The following CCDC102B variants were observed in gnomAD, a reference collection of about 807,000 sequenced individuals.
The protein encoded by CCDC102B is coiled-coil domain containing 102B.
A neutral mutation model predicts 57.4 loss-of-function variants in CCDC102B; 75 were observed. The observed-to-expected ratio is 1.31, with a 90% CI of 1.08 to 1.58. The LOEUF is 1.58. CCDC102B is among the 40% of genes most tolerant of loss of function. The probability of loss-of-function intolerance (pLI) is 0.00; values close to 1 mark genes in which losing one functional copy is unlikely to be tolerated. For synonymous variants in CCDC102B, 206 were observed against 201.9 expected (o/e 1.02, Z -0.17); for missense variants, 636 against 582.6 (o/e 1.09, Z -0.94).
intron 6 of CCDC102B, among the ~76,000 whole-genome samples, chr18:68,930,596 C>A (rs940103216): frequency 3.3e-5 from 5 of 151,800 alleles, no homozygotes; most frequent in African/African-American, 4.8e-5. Context: ...TGGGCTCTGG[C>A]CTTCTGCTCT....
At chr18:69,001,905 T>A (rs1416500860) in intron 6 of CCDC102B, among the ~76,000 whole-genome samples, 1 of 152,222 alleles carries the variant, frequency 6.6e-6, no homozygotes, top group Non-Finnish European at 1.5e-5. Context: ...AGTCTAATTT[T>A]ACATATATTT....
At chr18:68,778,700 T>C (rs1281098820) in intron 2 of CCDC102B, among the ~76,000 whole-genome samples, 1 of 152,072 alleles carries the variant, frequency 6.6e-6, no homozygotes, top group East Asian at 1.9e-4. Context: ...GAGCATTTAT[T>C]GAAAACCAAA....
At chr18:68,988,560 AAAAAAC>A (rs1457497091) in intron 6 of CCDC102B, among the ~76,000 whole-genome samples, 94 of 150,966 alleles carry the variant, frequency 6.2e-4, no homozygotes, top group African/African-American at 2.2e-3. Context: ...AAATTACAAA[AAAAAAC>A]AAAAAAAAAG....
chr18:68,992,344 G>A (rs1169987785), intron 6 of CCDC102B, among the ~76,000 whole-genome samples: 2 of 152,128 alleles, frequency 1.3e-5, no homozygotes, highest in Admixed American at 6.5e-5. Context: ...TGAGCTCAGG[G>A]TGGGTAAGGT....
At chr18:69,019,973 T>C (rs2051782858) in intron 7 of CCDC102B, among the ~76,000 whole-genome samples, 1 of 152,156 alleles carries the variant, frequency 6.6e-6, no homozygotes, top group Admixed American at 6.5e-5. Flanking sequence ...AATTGTGTAT[T>C]TTTTCCCTTT....
chr18:68,783,604 A>G (rs2035079185), intron 2 of CCDC102B, among the ~76,000 whole-genome samples: 1 of 152,114 alleles, frequency 6.6e-6, no homozygotes, highest in South Asian at 2.1e-4. Context: ...ACTGACTTTT[A>G]CCTTGTTGAC....
intron 2 of CCDC102B, among the ~76,000 whole-genome samples, chr18:68,732,148 G>T (rs188510722): frequency 1.3e-5 from 2 of 151,214 alleles, no homozygotes; most frequent in South Asian, 2.1e-4. Flanking sequence ...CACTGCTTCA[G>T]GGGGGAATCT....
At chr18:68,731,201 G>C (rs1438645916) in intron 2 of CCDC102B, among the ~76,000 whole-genome samples, 1 of 152,110 alleles carries the variant, frequency 6.6e-6, no homozygotes, top group East Asian at 1.9e-4. Context: ...GGCCAGGCTG[G>C]TCTTGAACTC....
chr18:69,057,843 T>G (rs560421504), downstream of CCDC102B, among the ~76,000 whole-genome samples: 4 of 152,120 alleles, frequency 2.6e-5, no homozygotes, highest in South Asian at 6.2e-4. Context: ...AAGTTATTTT[T>G]CCCCAGCTTT....
chr18:68,767,718 A>G (rs192060812), intron 2 of CCDC102B, among the ~76,000 whole-genome samples: 2 of 152,352 alleles, frequency 1.3e-5, no homozygotes, highest in African/African-American at 2.4e-5. Flanking sequence ...TAGTGTAATA[A>G]TAGTTGCTTA....
At position 69,054,370 on chromosome 18, in the gene CCDC102B, G is replaced by A; in HGVS notation, c.*233G>A. 1 of 1,151,254 alleles carries A rather than the reference G, an allele frequency of 8.7e-7. No homozygotes were observed. Among genetic ancestry groups the A allele is most frequent in the Middle Eastern group, 3.6e-4 (1 of 2,744 alleles). 71.3% of individuals were successfully genotyped at this position (1,151,254 alleles called of 1,614,324 possible). ...TTAAAAACAACTTTAATTCTAAGATGTGTAAATATTTTGAAAGTCAAAAAG... is the reference window on the plus strand; with the variant it reads ...TTAAAAACAACTTTAATTCTAAGATATGTAAATATTTTGAAAGTCAAAAAG... On this transcript the variant is annotated 3_prime_UTR_variant, in exon 8 of 8. Coordinates refer to ENST00000360242, the MANE Select transcript of CCDC102B (RefSeq NM_024781.3).
intron 1 of CCDC102B, among the ~76,000 whole-genome samples, chr18:68,819,259 A>G (rs758607830): frequency 3.9e-5 from 6 of 152,076 alleles, no homozygotes; most frequent in Non-Finnish European, 8.8e-5. Context: ...TGAGCATTCT[A>G]TTGGGAACTG....
chr18:69,038,077 G>T (rs1281202972), intron 7 of CCDC102B, among the ~76,000 whole-genome samples: 1 of 151,794 alleles, frequency 6.6e-6, no homozygotes, highest in Non-Finnish European at 1.5e-5. Flanking sequence ...TAATATCACA[G>T]CCACCTCTAT....
At chr18:69,016,132 G>A (rs972163850) in intron 7 of CCDC102B, among the ~76,000 whole-genome samples, 4 of 151,634 alleles carry the variant, frequency 2.6e-5, no homozygotes, top group Admixed American at 2.0e-4. Context: ...CAAAGTGCTG[G>A]GATTACAGGC....
intron 2 of CCDC102B, among the ~76,000 whole-genome samples, chr18:68,777,770 A>C (rs2034874528): frequency 6.6e-6 from 1 of 152,178 alleles, no homozygotes; most frequent in Non-Finnish European, 1.5e-5. Flanking sequence ...GAAGTAAATA[A>C]ACAAATAAAC....
intron 6 of CCDC102B, among the ~76,000 whole-genome samples, chr18:68,998,317 A>T (rs1487195805): frequency 2.7e-5 from 1 of 36,686 alleles, no homozygotes; most frequent in Non-Finnish European, 2.0e-4. Flanking sequence ...ATATATACAC[A>T]TGTGTCTCTA....
At chr18:68,849,855 T>G (rs542188472) in intron 4 of CCDC102B, among the ~76,000 whole-genome samples, 1 of 152,250 alleles carries the variant, frequency 6.6e-6, no homozygotes, top group South Asian at 2.1e-4. Context: ...TACCTGTGTT[T>G]GGAGGGCAGC....
At chr18:68,905,093 T>C (rs2040578718) in intron 6 of CCDC102B, among the ~76,000 whole-genome samples, 2 of 151,106 alleles carry the variant, frequency 1.3e-5, no homozygotes, top group South Asian at 2.1e-4. Context: ...TATAAGGTTA[T>C]TGGAAGTTTA....
chr18:69,055,485 C>G (rs2052800888), downstream of CCDC102B, among the ~76,000 whole-genome samples: 1 of 152,112 alleles, frequency 6.6e-6, no homozygotes, highest in African/African-American at 2.4e-5. Context: ...TCTATCCCAT[C>G]ATATCCCCTG....
Sources: gnomAD v4.1 joint callset for allele counts (sites outside exome capture counted in the v4.1 genomes callset) on GRCh38, gnomAD v4.1.1 for gene constraint, MANE v1.5 for transcripts, NCBI Gene and HGNC (gene_info 2026-07-23, HGNC 2026-07-21) for gene names.